KAT2B: variants seen among roughly 807,000 people sequenced by gnomAD.
KAT2B encodes the protein lysine acetyltransferase 2B.
In KAT2B, 36 loss-of-function variants were observed where a neutral mutation model predicts 105.9. That is an observed-to-expected ratio of 0.34 (90% CI 0.26 to 0.45). The LOEUF (loss-of-function observed/expected upper bound fraction) is 0.45, where lower values mean the gene tolerates loss of function less well. Ranked by LOEUF, KAT2B falls within the 20% of genes least tolerant of loss-of-function variation. The pLI, the probability that KAT2B is intolerant of heterozygous loss-of-function variation, is 1.00. For missense variants in KAT2B, 820 were observed against 1,021.6 expected (o/e 0.80, Z 2.69); for synonymous variants, 397 against 377.9 (o/e 1.05, Z -0.59).
At chr3:20,042,410 C>T (rs1001522177) in intron 1 of KAT2B, among the ~76,000 whole-genome samples, 1 of 152,068 alleles carries the variant, frequency 6.6e-6, no homozygotes, top group African/African-American at 2.4e-5. Flanking sequence ...GGCAGAAGGG[C>T]GAGCTATGTA....
intron 1 of KAT2B, among the ~76,000 whole-genome samples, chr3:20,065,875 C>A (rs1248112977): frequency 1.3e-5 from 2 of 152,126 alleles, no homozygotes; most frequent in Non-Finnish European, 2.9e-5. Flanking sequence ...CCTTTATAGT[C>A]TAGTGCACCA....
chr3:20,072,990 A>G (rs1448112891), intron 2 of KAT2B, among the ~76,000 whole-genome samples: 1 of 152,040 alleles, frequency 6.6e-6, no homozygotes, highest in Non-Finnish European at 1.5e-5. Context: ...TTTCCCTTTC[A>G]ACTTTCTTAT....
rs780920831 is a variant in KAT2B at position 20,140,228 on chromosome 3, C to T, written c.1868C>T (p.Ser623Phe). Residue 623 changes from serine (S) to phenylalanine (F), a missense_variant, in exon 13 of 18, where the codon TCC becomes TTC. By Grantham distance (155) the Ser-to-Phe change is radical. Around this residue, in one of 6 missense-constraint regions of KAT2B, gnomAD observed 227 missense variants for 292.9 expected, o/e 0.77. Coordinates refer to ENST00000263754, the MANE Select transcript of KAT2B (RefSeq NM_003884.5). ...AATTTACTTGCTTTTCAGGGTTTCT[C>T]CAAAGAAATTAAAATACCTAAAACC... The part of the protein sequence containing the change: ...AIGYFKKQGF[S>F]KEIKIPKTKY... 3.1e-6 allele frequency: 5 copies of T among 1,599,982 alleles called. No homozygotes were observed. Among genetic ancestry groups the T allele is most frequent in the Non-Finnish European group, 4.3e-6 (5 of 1,167,592 alleles).
At chr3:20,090,259 G>T (rs1698693361) in intron 2 of KAT2B, among the ~76,000 whole-genome samples, 3 of 152,140 alleles carry the variant, frequency 2.0e-5, no homozygotes, top group Admixed American at 2.0e-4. Context: ...GCAAGGGTGG[G>T]TATATTTTTC....
In KAT2B at chr3:20,148,235, C is replaced by T. The variant is rs759798473; in HGVS notation, c.2157-8C>T. 23 of 1,610,308 alleles carry T rather than the reference C, an allele frequency of 1.4e-5. No individual in the cohort carries two copies. The South Asian group carries it at 2.3e-4, about 16-fold the overall frequency. ...TCATTGCTCCTTGTTTCCCTTTTTC[C>T]TTTCAAGTAAAGAGCCCAGAGACCC... On this transcript the variant is annotated splice_region_variant and splice_polypyrimidine_tract_variant and intron_variant, in intron 15 of 17. Transcript: ENST00000263754.
intron 2 of KAT2B, among the ~76,000 whole-genome samples, chr3:20,089,385 T>C (rs1698674256): frequency 6.7e-6 from 1 of 149,492 alleles, no homozygotes; most frequent in Non-Finnish European, 1.5e-5. Flanking sequence ...TATCACTTAT[T>C]CGTGTCTTCT....
intron 1 of KAT2B, among the ~76,000 whole-genome samples, chr3:20,068,085 C>T (rs1575114262): frequency 6.6e-6 from 1 of 151,788 alleles, no homozygotes; most frequent in Admixed American, 6.6e-5. Context: ...CAACCTCTGC[C>T]TCCCGGGTTC....
intron 2 of KAT2B, among the ~76,000 whole-genome samples, chr3:20,091,198 T>A (rs1459283633): frequency 2.6e-5 from 4 of 152,216 alleles, no homozygotes; most frequent in African/African-American, 9.6e-5. Context: ...TATTAGTTTG[T>A]TCAGATTTTC....
intron 11 of KAT2B, among the ~76,000 whole-genome samples, chr3:20,129,393 G>A (rs1461736306): frequency 1.5e-5 from 1 of 66,114 alleles, no homozygotes; most frequent in African/African-American, 7.1e-5. Context: ...TTTTTTTTTT[G>A]AGACAGGTTC....
chr3:20,046,150 G>A (rs533477646), intron 1 of KAT2B, among the ~76,000 whole-genome samples: 3 of 152,202 alleles, frequency 2.0e-5, no homozygotes, highest in African/African-American at 7.2e-5. Flanking sequence ...CTAAATAAAC[G>A]GAATTGCCTG....
At chr3:20,138,385 C>A (rs991391685) in intron 12 of KAT2B, among the ~76,000 whole-genome samples, 11 of 115,096 alleles carry the variant, frequency 9.6e-5, no homozygotes, top group Non-Finnish European at 1.4e-4. Context: ...AAATATTTAA[C>A]CAATACATTT....
At chr3:20,085,581 G>C (rs1302120119) in intron 2 of KAT2B, among the ~76,000 whole-genome samples, 1 of 150,534 alleles carries the variant, frequency 6.6e-6, no homozygotes, top group Admixed American at 6.6e-5. Flanking sequence ...TGCAATTTTG[G>C]CTCACTGCAG....
At chr3:20,105,786 G>A (rs1698990274) in intron 5 of KAT2B, among the ~76,000 whole-genome samples, 1 of 135,356 alleles carries the variant, frequency 7.4e-6, no homozygotes, top group African/African-American at 2.8e-5. Context: ...GGGTGACAGA[G>A]CACGACCCTG....
At chr3:20,103,218 G>A (rs893979199) in intron 5 of KAT2B, among the ~76,000 whole-genome samples, 1 of 152,028 alleles carries the variant, frequency 6.6e-6, no homozygotes, top group African/African-American at 2.4e-5. Flanking sequence ...AATAAGAGTT[G>A]AGACGATAAG....
intron 1 of KAT2B, among the ~76,000 whole-genome samples, chr3:20,065,812 A>G (rs554041901): frequency 8.9e-4 from 135 of 152,288 alleles, no homozygotes; most frequent in African/African-American, 2.9e-3. Flanking sequence ...AGACTATTCT[A>G]TGCTTAAACT....
chr3:20,059,142 G>T (rs926738797), intron 1 of KAT2B, among the ~76,000 whole-genome samples: 6 of 152,156 alleles, frequency 3.9e-5, no homozygotes, highest in Non-Finnish European at 8.8e-5. Context: ...TGCTGGGCAT[G>T]TGGCTCACAC....
At chr3:20,141,265 T>C (rs1699690224) in intron 13 of KAT2B, among the ~76,000 whole-genome samples, 1 of 152,122 alleles carries the variant, frequency 6.6e-6, no homozygotes. Flanking sequence ...ATTTGTTATC[T>C]GGTATTGAGG....
intron 11 of KAT2B, among the ~76,000 whole-genome samples, chr3:20,131,647 G>A (rs1474275890): frequency 3.9e-5 from 6 of 151,970 alleles, no homozygotes; most frequent in African/African-American, 7.3e-5. Flanking sequence ...AGCTCCCTGC[G>A]TCTGCGACCT....
intron 11 of KAT2B, among the ~76,000 whole-genome samples, chr3:20,136,618 T>C (rs555068545): frequency 6.6e-6 from 1 of 152,300 alleles, no homozygotes; most frequent in African/African-American, 2.4e-5. Flanking sequence ...AAAACTTTTA[T>C]ATTACTATTC....
Sources: allele counts gnomAD v4.1 joint callset (sites outside exome capture counted in the v4.1 genomes callset), GRCh38; gene constraint gnomAD v4.1.1; regional missense constraint gnomAD v4.1.1; transcripts MANE v1.5; gene names NCBI Gene and HGNC (gene_info 2026-07-23, HGNC 2026-07-21).